ZNF487: variants seen among roughly 807,000 people sequenced by gnomAD.
ZNF487 encodes zinc finger protein 487, also known as KRAB domain only 1.
Under a neutral mutation model 3.0 loss-of-function variants are expected in ZNF487, and 4 were observed. The observed-to-expected ratio is 1.35, with a 90% CI of 0.66 to 3.08. The LOEUF (loss-of-function observed/expected upper bound fraction) is 3.08, where lower values mean the gene tolerates loss of function less well. Ranked by LOEUF, ZNF487 falls within the 30% of genes most tolerant of loss-of-function variation. The pLI is 0.01. For synonymous variants in ZNF487, 55 were observed against 34.6 expected (o/e 1.59, Z -2.06); for missense variants, 146 against 98.7 (o/e 1.48, Z -2.03).
rs180816432 is a variant in ZNF487 at position 43,446,282 on chromosome 10, A to C, written c.-94+9020A>C. ...GGCAGAGGCGCCACCCACCTCCCAG[A>C]CGGGGTGGCTGCTGGGCGGGGGCGC... On this transcript the variant is annotated intron_variant, in intron 1 of 3. Coordinates refer to ENST00000437590, the MANE Select transcript of ZNF487 (RefSeq NM_001355444.3). Among the ~76,000 whole-genome samples the C allele has an allele frequency of 4.1e-4, 62 of 150,432 alleles. 1 individual carries two copies. The highest frequency in any genetic ancestry group is 3.5e-3 in the Admixed American group (53 of 15,182).
At chr10:43,510,670 C>T in the ZNF487 span, among the ~76,000 whole-genome samples, 2 of 152,150 alleles carry the variant, frequency 1.3e-5, no homozygotes, top group Non-Finnish European at 2.9e-5. Context: ...GCCTCAGCCT[C>T]CTGAGTAGCT....
the ZNF487 span, among the ~76,000 whole-genome samples, chr10:43,517,202 A>G: frequency 1.3e-5 from 2 of 152,250 alleles, no homozygotes; most frequent in Non-Finnish European, 2.9e-5. Flanking sequence ...TAAATTCCTG[A>G]AAGTTATTTG....
intron 1 of ZNF487, among the ~76,000 whole-genome samples, chr10:43,464,956 G>A (rs1840612925): frequency 6.6e-6 from 1 of 151,772 alleles, no homozygotes; most frequent in Non-Finnish European, 1.5e-5. Context: ...CCGGGCAGAG[G>A]CGCCCCTCAC....
chr10:43,520,443 C>T, the ZNF487 span, among the ~76,000 whole-genome samples: 84,244 of 151,962 alleles, frequency 0.55, 25,534 homozygotes, highest in African/African-American at 0.81. Context: ...TTGAAATAGC[C>T]TTCCAAGAAA....
intron 3 of ZNF487, among the ~76,000 whole-genome samples, chr10:43,477,050 A>C (rs77432346): frequency 3.1e-4 from 47 of 152,310 alleles, no homozygotes; most frequent in African/African-American, 1.0e-3. Context: ...AATTTAAACA[A>C]ATATTCTTTG....
rs535083147 is a variant in ZNF487, at chr10:43,465,244, T to C, written c.-93-10477T>C. On this transcript the variant is annotated intron_variant, in intron 1 of 3. Coordinates refer to ENST00000437590, the MANE Select transcript of ZNF487 (RefSeq NM_001355444.3). ...GGCGGCTGGCTGGGTGGGGGGCTGA[T>C]CCCCTCACCTCCCTCCCGGACGGGG... 7.8e-3 allele frequency among the ~76,000 whole-genome samples: 910 copies of C among 116,700 alleles called. 9 individuals are homozygous for C. The highest frequency in any genetic ancestry group is 0.024 in the African/African-American group (719 of 30,236). The allele number at this position is 116,700 out of a possible 152,430, so 76.6% of individuals were successfully genotyped here.
chr10:43,438,189 A>G (rs1331653601), intron 1 of ZNF487, among the ~76,000 whole-genome samples: 1 of 151,618 alleles, frequency 6.6e-6, no homozygotes, highest in Non-Finnish European at 1.5e-5. Flanking sequence ...TAGGTTCCAT[A>G]TATATATATA....
At chr10:43,507,765 G>A in the ZNF487 span, among the ~76,000 whole-genome samples, 11 of 152,120 alleles carry the variant, frequency 7.2e-5, no homozygotes, top group Non-Finnish European at 1.6e-4. Flanking sequence ...ATATTGATTG[G>A]CCCTCCCTGT....
At chr10:43,493,212 A>G in the ZNF487 span, among the ~76,000 whole-genome samples, 1 of 152,182 alleles carries the variant, frequency 6.6e-6, no homozygotes, top group Non-Finnish European at 1.5e-5. Flanking sequence ...CCGAGGCAAC[A>G]AGAGCGAAAC....
the ZNF487 span, among the ~76,000 whole-genome samples, chr10:43,505,524 C>G: frequency 6.6e-6 from 1 of 152,030 alleles, no homozygotes; most frequent in Admixed American, 6.6e-5. Flanking sequence ...ACCTTGTGAT[C>G]TGCCCGCTTT....
the ZNF487 span, among the ~76,000 whole-genome samples, chr10:43,498,084 T>C: frequency 2.1e-4 from 3 of 14,386 alleles, no homozygotes; most frequent in Admixed American, 3.1e-3. Flanking sequence ...TTTATATATA[T>C]ATATATATAT....
chr10:43,498,114 C>CTTTTTTTTTTTTT, the ZNF487 span, among the ~76,000 whole-genome samples: 8 of 24,610 alleles, frequency 3.3e-4, no homozygotes, highest in Non-Finnish European at 4.6e-4. Flanking sequence ...TTTTTTTTTT[C>CTTTTTTTTTTTTT]TTTTTTTTTT....
At chr10:43,515,052 C>A in the ZNF487 span, among the ~76,000 whole-genome samples, 6 of 152,152 alleles carry the variant, frequency 3.9e-5, no homozygotes, top group Admixed American at 1.3e-4. Context: ...TTTTTAACTA[C>A]CCAAGTGGCA....
the ZNF487 span, among the ~76,000 whole-genome samples, chr10:43,515,036 G>T: frequency 1.3e-5 from 2 of 152,170 alleles, no homozygotes; most frequent in Admixed American, 6.6e-5. Flanking sequence ...TAAACTATTA[G>T]AACCTTTTTT....
chr10:43,498,897 G>A, the ZNF487 span, among the ~76,000 whole-genome samples: 3 of 150,634 alleles, frequency 2.0e-5, no homozygotes, highest in African/African-American at 7.3e-5. Flanking sequence ...AGCCGAGATC[G>A]CGCCACTGCA....
At chr10:43,466,059 G>A (rs1252412407) in intron 1 of ZNF487, among the ~76,000 whole-genome samples, 1 of 152,146 alleles carries the variant, frequency 6.6e-6, no homozygotes, top group Non-Finnish European at 1.5e-5. Flanking sequence ...GTGGCGGTGC[G>A]CGCCTGCAAT....
At chr10:43,498,271 TA>T in the ZNF487 span, among the ~76,000 whole-genome samples, 3,110 of 127,978 alleles carry the variant, frequency 0.024, 175 homozygotes, top group East Asian at 0.14. Flanking sequence ...TATATATATA[TA>T]TATTTTTTTC....
At chr10:43,494,571 C>G in the ZNF487 span, among the ~76,000 whole-genome samples, 2 of 151,998 alleles carry the variant, frequency 1.3e-5, 1 homozygote, top group South Asian at 4.2e-4. Context: ...CTTACTTCAC[C>G]TCTTTATTGG....
intron 1 of ZNF487, among the ~76,000 whole-genome samples, chr10:43,456,809 G>T (rs531008600): frequency 9.9e-5 from 15 of 152,168 alleles, no homozygotes; most frequent in Non-Finnish European, 1.9e-4. Flanking sequence ...TTGAACTCCT[G>T]ACCTCAGGTG....
Sources: allele counts gnomAD v4.1 joint callset (sites outside exome capture counted in the v4.1 genomes callset), GRCh38; gene constraint gnomAD v4.1.1; transcripts MANE v1.5; gene names NCBI Gene and HGNC (gene_info 2026-07-23, HGNC 2026-07-21).